Variants in DHTKD1 observed in about 807,000 individuals in gnomAD.
The protein encoded by DHTKD1 is dehydrogenase E1 and transketolase domain containing 1.
Under a neutral mutation model 101.8 loss-of-function variants are expected in DHTKD1, and 78 were observed. The ratio of observed to expected loss-of-function variants is 0.77; its 90% CI spans 0.64 to 0.93. DHTKD1 has a LOEUF of 0.93. DHTKD1 is among the 40% of genes least tolerant of loss of function. The pLI is 0.00. For synonymous variants in DHTKD1, 462 were observed against 450.3 expected (o/e 1.03, Z -0.33); for missense variants, 1,223 against 1,161.7 (o/e 1.05, Z -0.77).
chr10:12,086,511 G>A (rs566036509), intron 3 of DHTKD1, among the ~76,000 whole-genome samples: 2 of 151,424 alleles, frequency 1.3e-5, no homozygotes, highest in African/African-American at 4.9e-5. Flanking sequence ...GAGCCACCGC[G>A]CCCAGCCTAA....
rs192357013 is a variant in DHTKD1, at chr10:12,110,114, C to A, written c.2154+2099C>A. The stretch of plus-strand genomic sequence containing the variant: ...GAGATGAAGACCATCCTGGCTAACA[C>A]GGTGAAACCCTGTGTCTACTAAAAA... On this transcript the variant is annotated intron_variant, in intron 12 of 16. Transcript: ENST00000263035. This position sits in a 1 kb window ranked among gnomAD's most constrained non-coding sequence, Gnocchi z 4.9. Among the ~76,000 whole-genome samples the A allele has an allele frequency of 2.6e-5, 4 of 151,996 alleles. No individual in the cohort carries two copies. Among genetic ancestry groups the A allele is most frequent in the Non-Finnish European group, 4.4e-5 (3 of 68,000 alleles).
intron 8 of DHTKD1, among the ~76,000 whole-genome samples, chr10:12,098,780 G>A (rs892544684): frequency 6.6e-6 from 1 of 152,146 alleles, no homozygotes; most frequent in Non-Finnish European, 1.5e-5. Context: ...GGCCAGGTTG[G>A]TCTTGAACTC....
chr10:12,092,760 G>A (rs141815288), intron 6 of DHTKD1, among the ~76,000 whole-genome samples: 350 of 152,054 alleles, frequency 2.3e-3, no homozygotes, highest in Non-Finnish European at 3.9e-3. Flanking sequence ...CCAAGATCAG[G>A]CCATTGCACT....
At position 12,100,862 on chromosome 10, in the gene DHTKD1, C is replaced by T. The variant is rs1701488; in HGVS notation, c.1757-180C>T. On this transcript the variant is annotated intron_variant, in intron 9 of 16. Coordinates refer to ENST00000263035, the MANE Select transcript of DHTKD1 (RefSeq NM_018706.7). ...TTGCAGGGCACATGATACCTCTCCA[C>T]TCTTATGCAATCTCATCTTAACTAT... Among the ~76,000 whole-genome samples the T allele has an allele frequency of 0.97, 147,286 of 152,224 alleles. 71,447 individuals carry two copies. The highest frequency in any genetic ancestry group is 1 in the Middle Eastern group (294 of 294).
At position 12,121,466 on chromosome 10, in the gene DHTKD1, AG is replaced by A. The variant is rs1329887839; in HGVS notation, c.*579del. On this transcript the variant is annotated 3_prime_UTR_variant, in exon 17 of 17. Transcript: ENST00000263035. ...ACAAAAGAAAAACAATAACAAAAAA[AG>A]AAAGTGTGATGGCTGGGTGCAGTGG... 6.5e-6 allele frequency: 1 copy of A among 152,952 alleles called. No homozygotes were observed. Among genetic ancestry groups the A allele is most frequent in the Non-Finnish European group, 1.5e-5 (1 of 68,636 alleles). 9.5% of individuals were successfully genotyped at this position (152,952 alleles called of 1,614,324 possible). A position where few individuals can be genotyped will look rare whatever the true frequency, so the allele number is the denominator to read the frequency against.
intron 7 of DHTKD1, among the ~76,000 whole-genome samples, chr10:12,097,448 AT>A (rs1383237445): frequency 6.6e-6 from 1 of 151,824 alleles, no homozygotes; most frequent in Non-Finnish European, 1.5e-5. Context: ...AATTTTTTGT[AT>A]TTTTAGTAGA....
At chr10:12,113,432 A>G (rs1198108562) in intron 13 of DHTKD1, among the ~76,000 whole-genome samples, 1 of 152,154 alleles carries the variant, frequency 6.6e-6, no homozygotes, top group East Asian at 1.9e-4. Flanking sequence ...TCTTGACCTC[A>G]GGTGATTCGC....
chr10:12,104,754 G>A (rs1469636030), intron 10 of DHTKD1, among the ~76,000 whole-genome samples: 1 of 151,992 alleles, frequency 6.6e-6, no homozygotes, highest in Admixed American at 6.6e-5. Context: ...TGCCATCCTG[G>A]TGCCCCCTAC....
At chr10:12,088,588 CTTAT>C (rs1832939326) in intron 4 of DHTKD1, among the ~76,000 whole-genome samples, 2 of 151,954 alleles carry the variant, frequency 1.3e-5, no homozygotes, top group African/African-American at 4.8e-5. Context: ...TGTATACTTA[CTTAT>C]TTATTTATTG....
intron 3 of DHTKD1, among the ~76,000 whole-genome samples, chr10:12,086,988 G>A (rs1257616045): frequency 6.6e-6 from 1 of 152,014 alleles, no homozygotes; most frequent in Admixed American, 6.6e-5. Flanking sequence ...TGCCTGGCCT[G>A]GTCTTACTTC....
rs1432619894 is a variant in DHTKD1 at position 12,087,787 on chromosome 10, A to T, written c.717+58A>T. On this transcript the variant is annotated intron_variant, in intron 4 of 16. Transcript: ENST00000263035. This position sits in a 1 kb window ranked among gnomAD's most constrained non-coding sequence, Gnocchi z 5.2. ...TATATGATTGATTGTAACAGAATAA[A>T]ACTGCTGGTTTCATTCTGGTGATAA... 2.1e-5 allele frequency: 29 copies of T among 1,403,964 alleles called. No homozygotes were observed. Among genetic ancestry groups the T allele is most frequent in the Non-Finnish European group, 2.8e-5 (29 of 1,049,098 alleles). 87.0% of individuals were successfully genotyped at this position (1,403,964 alleles called of 1,614,324 possible). A position where few individuals can be genotyped will look rare whatever the true frequency, so the allele number is the denominator to read the frequency against.
intron 7 of DHTKD1, among the ~76,000 whole-genome samples, chr10:12,096,100 C>T (rs553877730): frequency 1.3e-5 from 2 of 152,248 alleles, no homozygotes; most frequent in Admixed American, 1.3e-4. Flanking sequence ...TTACTCATGG[C>T]TTGCATTTCA....
chr10:12,083,554 G>T (rs1423812542), intron 2 of DHTKD1, among the ~76,000 whole-genome samples: 3 of 152,100 alleles, frequency 2.0e-5, no homozygotes, highest in Non-Finnish European at 4.4e-5. Flanking sequence ...GGCCAAGATG[G>T]TGAAACCCCA....
In DHTKD1 at chr10:12,122,671, T is replaced by G. The variant is rs1833544171; in HGVS notation, c.*1783T>G. On this transcript the variant is annotated 3_prime_UTR_variant, in exon 17 of 17. Coordinates refer to ENST00000263035, the MANE Select transcript of DHTKD1 (RefSeq NM_018706.7). ...GAGGAAAAAAAAAGAAAAGAACACT[T>G]CTTTATTTGAGGGACTTTCCCAACA... 1 of 151,676 alleles carries G rather than the reference T, an allele frequency of 6.6e-6. No individual in the cohort carries two copies. The highest frequency in any genetic ancestry group is 2.4e-5 in the African/African-American group (1 of 41,326). The allele number at this position is 151,676 out of a possible 1,614,324, so 9.4% of individuals were successfully genotyped here.
intron 5 of DHTKD1, among the ~76,000 whole-genome samples, chr10:12,091,041 G>T (rs1011233682): frequency 2.6e-5 from 4 of 151,564 alleles, no homozygotes; most frequent in Admixed American, 1.3e-4. Context: ...GCAACAGAGC[G>T]AGACTCCGTC....
At chr10:12,102,339 G>A (rs947064484) in intron 10 of DHTKD1, among the ~76,000 whole-genome samples, 3 of 149,006 alleles carry the variant, frequency 2.0e-5, no homozygotes, top group African/African-American at 5.0e-5. Context: ...CAGAAGAATC[G>A]CTTGAACCCA....
rs765841515 is a variant in DHTKD1 at position 12,088,973 on chromosome 10, G to C, written c.718-13G>C. On this transcript the variant is annotated splice_polypyrimidine_tract_variant and intron_variant, in intron 4 of 16. Coordinates refer to ENST00000263035, the MANE Select transcript of DHTKD1 (RefSeq NM_018706.7). Reference sequence around the variant, plus strand: ...GAATGCCATTTTTTTCCTTTTGAATGTATCCACAATAGCTGATGTTCCGTA... The same window carrying C: ...GAATGCCATTTTTTTCCTTTTGAATCTATCCACAATAGCTGATGTTCCGTA... 1 of 1,602,434 alleles carries C rather than the reference G, an allele frequency of 6.2e-7. No individual in the cohort carries two copies. The highest frequency in any genetic ancestry group is 1.1e-5 in the South Asian group (1 of 90,224).
In DHTKD1 at chr10:12,107,144, G is replaced by A. The variant is rs181336000; in HGVS notation, c.2047+748G>A. Among the ~76,000 whole-genome samples, 183 of 151,120 alleles carry A rather than the reference G, an allele frequency of 1.2e-3. No individual in the cohort carries two copies. Among genetic ancestry groups the A allele is most frequent in the African/African-American group, 4.2e-3 (171 of 41,172 alleles). On this transcript the variant is annotated intron_variant, in intron 11 of 16. Transcript: ENST00000263035. This position sits in a 1 kb window ranked among gnomAD's most constrained non-coding sequence, Gnocchi z 4.1. ...GGACTACATAGGCGCTGGTCACCAC[G>A]CCCGGCTAATTTTTTGTATTTTTAG...
chr10:12,078,525 C>T (rs925815366), intron 1 of DHTKD1, among the ~76,000 whole-genome samples: 26 of 151,964 alleles, frequency 1.7e-4, no homozygotes, highest in Non-Finnish European at 7.4e-5. Context: ...GCAGGACAAT[C>T]GCTTGCACCC....
Sources: gnomAD v4.1 joint callset for allele counts (sites outside exome capture counted in the v4.1 genomes callset) on GRCh38, gnomAD v4.1.1 for gene constraint, Gnocchi (gnomAD v3.1) non-coding constraint, MANE v1.5 for transcripts, NCBI Gene and HGNC (gene_info 2026-07-23, HGNC 2026-07-21) for gene names.